HCK: variants seen among roughly 807,000 people sequenced by gnomAD.
HCK encodes HCK proto-oncogene, Src family tyrosine kinase.
In HCK, 40 loss-of-function variants were observed where a neutral mutation model predicts 70.4. The ratio of observed to expected loss-of-function variants is 0.57; its 90% confidence interval spans 0.44 to 0.74. The LOEUF (loss-of-function observed/expected upper bound fraction) is 0.74. Among genes scored for constraint, HCK ranks in the 30% least tolerant of loss-of-function variants. The pLI is 0.00. For missense variants in HCK, 568 were observed against 697.2 expected (o/e 0.81, Z 2.09); for synonymous variants, 245 against 263.2 (o/e 0.93, Z 0.67).
intron 9 of HCK, 50 bp from the exon 10 acceptor site, chr20:32,088,518 G>A: frequency 7.1e-7 from 1 of 1,415,358 alleles, no homozygotes; most frequent in Non-Finnish European, 9.9e-7. Context: ...TGTGGTTTTT[G>A]CCATTAAATA....
At chr20:32,065,633 C>T (rs2045444773) in intron 1 of HCK, among the ~76,000 whole-genome samples, 1 of 152,078 alleles carries the variant, frequency 6.6e-6, no homozygotes, top group Admixed American at 6.5e-5. Context: ...GTGCTTTTTC[C>T]CTAATTTTTG....
At chr20:32,094,673 C>A (rs1198282484) in intron 11 of HCK, among the ~76,000 whole-genome samples, 1 of 114,192 alleles carries the variant, frequency 8.8e-6, no homozygotes, top group African/African-American at 3.9e-5. Flanking sequence ...GTGGACAGAG[C>A]AAGATCTTGT....
chr20:32,064,731 C>T (rs2045431534), intron 1 of HCK, among the ~76,000 whole-genome samples: 1 of 152,250 alleles, frequency 6.6e-6, no homozygotes, highest in Admixed American at 6.5e-5. Flanking sequence ...CCCCCTTGAG[C>T]TTGACTCTGA....
Position 32,073,720 on chromosome 20 carries a change from C to A in HCK, c.231C>A (p.Gly77=). 6.4e-7 allele frequency: 1 copy of A among 1,555,848 alleles called. No homozygotes were observed. The highest frequency in any genetic ancestry group is 1.9e-5 in the Admixed American group (1 of 51,906). ...TCTGTGTGTCTCCCTTCCCAGCAGG[C>A]TCTGAGGACATCATCGTGGTTGCCC... Residue 77 remains glycine (G), a synonymous_variant, in exon 4 of 13, where the codon GGC becomes GGA. Coordinates refer to ENST00000375852, the MANE Select transcript of HCK (RefSeq NM_002110.5).
In HCK at chr20:32,079,774, GT is replaced by G; in HGVS notation, c.430del (p.Trp144GlyfsTer26). 1 of 1,611,244 alleles carries G rather than the reference GT, an allele frequency of 6.2e-7. No individual in the cohort carries two copies. Reference sequence around the variant, plus strand: ...ATTTGTCCCCTCCCTTTTCCATCAGGTGGTTTTTCAAGGGCATCAGCCGGAA... The same window carrying G: ...ATTTGTCCCCTCCCTTTTCCATCAGGGGTTTTTCAAGGGCATCAGCCGGAA... On this transcript the variant is annotated frameshift_variant and splice_region_variant, in exon 6 of 13. Transcript: ENST00000375852. LOFTEE classifies it high-confidence loss of function.
intron 5 of HCK, among the ~76,000 whole-genome samples, chr20:32,075,003 G>A (rs560710202): frequency 1.3e-5 from 2 of 152,300 alleles, no homozygotes; most frequent in African/African-American, 2.4e-5. Flanking sequence ...TTGGTTACAC[G>A]TGCATTCTCT....
chr20:32,092,114 T>G (rs1342066634), intron 10 of HCK, among the ~76,000 whole-genome samples: 1 of 151,830 alleles, frequency 6.6e-6, no homozygotes, highest in Non-Finnish European at 1.5e-5. Context: ...AGCCGGCCGG[T>G]GGTGCTTTGA....
At chr20:32,092,645 T>C (rs1218217626) in intron 10 of HCK, among the ~76,000 whole-genome samples, 1 of 151,980 alleles carries the variant, frequency 6.6e-6, no homozygotes, top group Non-Finnish European at 1.5e-5. Flanking sequence ...CACCCTCCTC[T>C]CCTGACCTAC....
intron 1 of HCK, among the ~76,000 whole-genome samples, chr20:32,058,822 C>T (rs1318752344): frequency 1.3e-5 from 2 of 152,218 alleles, no homozygotes; most frequent in East Asian, 1.9e-4. Flanking sequence ...GCCCAGTTAC[C>T]ACTGCGGGCA....
At chr20:32,053,637 C>CAAAAA (rs1160849578) in intron 1 of HCK, among the ~76,000 whole-genome samples, 2,759 of 60,706 alleles carry the variant, frequency 0.045, 170 homozygotes, top group Non-Finnish European at 0.067. Flanking sequence ...GACTCTGTCT[C>CAAAAA]AAAAAAAAAA....
chr20:32,093,729 T>C (rs1600742761), intron 10 of HCK, 134 bp from the exon 11 acceptor site: 1 of 799,094 alleles, frequency 1.3e-6, no homozygotes, highest in Non-Finnish European at 1.9e-6. Context: ...CCTGGGGCCC[T>C]CCCGACACAA....
intron 5 of HCK, among the ~76,000 whole-genome samples, chr20:32,077,343 A>G (rs1191950933): frequency 6.6e-6 from 1 of 152,098 alleles, no homozygotes; most frequent in African/African-American, 2.4e-5. Flanking sequence ...CCTGTCCCCA[A>G]CCAGCCACTT....
At chr20:32,098,040 AT>A (rs1441728697) in intron 11 of HCK, among the ~76,000 whole-genome samples, 1 of 150,900 alleles carries the variant, frequency 6.6e-6, no homozygotes, top group Non-Finnish European at 1.5e-5. Context: ...TTTATATTTT[AT>A]TTTATTTTAT....
intron 12 of HCK, among the ~76,000 whole-genome samples, chr20:32,100,435 G>C (rs1488401949): frequency 1.3e-5 from 2 of 152,162 alleles, no homozygotes; most frequent in African/African-American, 4.8e-5. Flanking sequence ...CGTTTCAAAA[G>C]GAGAAAAGAT....
rs2045187466 is a variant in HCK, at chr20:32,052,476, C to T, written c.52C>T (p.Arg18Trp). ...TCCGGGCTGCCCGCGAGACGAGGAG[C>T]GGGCGCCCAGGTGAGTGCCGCGCAC... Residue 18 changes from arginine to tryptophan, a missense_variant, in exon 1 of 13, where the codon CGG (arginine) becomes TGG (tryptophan). Coordinates refer to ENST00000375852, the MANE Select transcript of HCK (RefSeq NM_002110.5). 1 of 1,264,578 alleles carries T rather than the reference C, an allele frequency of 7.9e-7. No individual in the cohort carries two copies. Among genetic ancestry groups the T allele is most frequent in the Non-Finnish European group, 1.0e-6 (1 of 996,696 alleles). 78.3% of individuals were successfully genotyped at this position (1,264,578 alleles called of 1,614,324 possible).
chr20:32,093,627 C>G (rs1035263394), intron 10 of HCK, among the ~76,000 whole-genome samples: 1 of 152,150 alleles, frequency 6.6e-6, no homozygotes, highest in Non-Finnish European at 1.5e-5. Flanking sequence ...CTCTGGAAGT[C>G]TTGGAATTCT....
chr20:32,100,345 C>T (rs1273119049), intron 12 of HCK, among the ~76,000 whole-genome samples: 2 of 152,166 alleles, frequency 1.3e-5, no homozygotes, highest in Non-Finnish European at 2.9e-5. Context: ...GAGGCCACAG[C>T]AGTGGCCCAG....
At chr20:32,073,235 T>A in intron 2 of HCK, 84 bp from the exon 3 acceptor site, 1 of 1,152,446 alleles carries the variant, frequency 8.7e-7, no homozygotes. Context: ...TAAGATGCTC[T>A]TGGGTGTCCT....
At chr20:32,099,902 CTTTT>C (rs5841098) in intron 12 of HCK, among the ~76,000 whole-genome samples, 2 of 143,288 alleles carry the variant, frequency 1.4e-5, no homozygotes. Context: ...CTTTCTCCAC[CTTTT>C]TTTTTTTTTT....
Sources: gnomAD v4.1 joint callset for allele counts (sites outside exome capture counted in the v4.1 genomes callset) on GRCh38, gnomAD v4.1.1 for gene constraint, MANE v1.5 for transcripts, NCBI Gene and HGNC (gene_info 2026-07-23, HGNC 2026-07-21) for gene names.